CFAP61: variants seen among roughly 807,000 people sequenced by gnomAD.
CFAP61 encodes cilia- and flagella-associated protein 61.
CFAP61 carries 107 observed loss-of-function variants against 135.6 expected under a neutral mutation model. That is an observed-to-expected ratio of 0.79 (90% CI 0.67 to 0.93). CFAP61 has a LOEUF of 0.93. Ranked by LOEUF, CFAP61 falls within the 40% of genes least tolerant of loss-of-function variation. The pLI is 0.00. For synonymous variants in CFAP61, 575 were observed against 578.5 expected, an observed-to-expected ratio of 0.99 and a Z score of 0.09; for missense variants, 1,507 against 1,556.2, an observed-to-expected ratio of 0.97 and a Z score of 0.53.
At chr20:20,268,843 A>G (rs2053028102) in intron 21 of CFAP61, among the ~76,000 whole-genome samples, 1 of 152,152 alleles carries the variant, frequency 6.6e-6, no homozygotes. Context: ...AAGTAAAAAA[A>G]ATAAACTACC....
intron 7 of CFAP61, among the ~76,000 whole-genome samples, chr20:20,095,417 C>T (rs909894628): frequency 6.6e-6 from 1 of 152,250 alleles, no homozygotes; most frequent in African/African-American, 2.4e-5. Context: ...CATGGCAGTT[C>T]CAGGCCAGGC....
At chr20:20,226,695 A>G (rs1036651949) in intron 17 of CFAP61, among the ~76,000 whole-genome samples, 1 of 152,198 alleles carries the variant, frequency 6.6e-6, no homozygotes, top group African/African-American at 2.4e-5. Flanking sequence ...CGTGCCATCT[A>G]GAAAACAAGA....
intron 18 of CFAP61, among the ~76,000 whole-genome samples, chr20:20,233,719 T>C (rs1191736037): frequency 6.6e-6 from 1 of 152,206 alleles, no homozygotes; most frequent in African/African-American, 2.4e-5. Flanking sequence ...GACTCCAATA[T>C]TTAAATGTAA....
At position 20,056,633 on chromosome 20, in the gene CFAP61, CT is replaced by C; in HGVS notation, c.-17del. ...AGATTAATAGTGGACTTTTTTCTCT[CT>C]TTTGGGGACAGGATAAAAAATGTCA... On this transcript the variant is annotated 5_prime_UTR_variant, in exon 2 of 27. Coordinates refer to ENST00000245957, the MANE Select transcript of CFAP61 (RefSeq NM_015585.4). 2 of 1,611,692 alleles carry C rather than the reference CT, an allele frequency of 1.2e-6. No individual in the cohort carries two copies. Among genetic ancestry groups the C allele is most frequent in the African/African-American group, 2.7e-5 (2 of 74,782 alleles).
At chr20:20,082,242 G>A (rs1172535316) in intron 6 of CFAP61, among the ~76,000 whole-genome samples, 1 of 152,186 alleles carries the variant, frequency 6.6e-6, no homozygotes, top group Non-Finnish European at 1.5e-5. Context: ...AACACAATTC[G>A]TAAGACACTG....
At chr20:20,195,734 G>T (rs146516044) in intron 15 of CFAP61, among the ~76,000 whole-genome samples, 3,079 of 152,244 alleles carry the variant, frequency 0.02, 40 homozygotes, top group Middle Eastern at 0.044. Flanking sequence ...CAGGGATAAG[G>T]CCCAATTACG....
chr20:20,292,452 A>C (rs905005002), intron 24 of CFAP61, among the ~76,000 whole-genome samples: 1 of 152,222 alleles, frequency 6.6e-6, no homozygotes, highest in Non-Finnish European at 1.5e-5. Flanking sequence ...TGCTGTATAA[A>C]AAACACCTAG....
In CFAP61 at chr20:20,228,339, A is replaced by G. The variant is rs750040427; in HGVS notation, c.2023A>G (p.Ser675Gly). The change falls in exon 18 of 27, where the codon AGT becomes GGT. Residue 675 changes from serine (S) to glycine (G), a missense_variant. Coordinates refer to ENST00000245957, the MANE Select transcript of CFAP61 (RefSeq NM_015585.4). ...CAAGATCATTGTGGTTGGTGCATCCAGTGTTGGAATTTCCTTCCTAGAGAC... is the reference window on the plus strand; with the variant it reads ...CAAGATCATTGTGGTTGGTGCATCCGGTGTTGGAATTTCCTTCCTAGAGAC... ...NAKIIVVGAS[S>G]VGISFLETLV... 40 of 1,611,966 alleles carry G rather than the reference A, an allele frequency of 2.5e-5. No individual in the cohort carries two copies. Among genetic ancestry groups the G allele is most frequent in the Non-Finnish European group, 2.4e-5 (28 of 1,178,386 alleles).
intron 9 of CFAP61, among the ~76,000 whole-genome samples, chr20:20,155,531 C>T (rs6035566): frequency 0.9 from 137,267 of 152,216 alleles, 62,711 homozygotes; most frequent in Middle Eastern, 0.99. Context: ...TGACAAAGAA[C>T]TAGTATCCAG....
At chr20:20,168,542 A>T (rs1191432265) in intron 12 of CFAP61, among the ~76,000 whole-genome samples, 1 of 152,262 alleles carries the variant, frequency 6.6e-6, no homozygotes, top group East Asian at 1.9e-4. Context: ...TAAAATTTAC[A>T]GTTGGATACG....
intron 8 of CFAP61, among the ~76,000 whole-genome samples, chr20:20,099,581 G>C (rs572358618): frequency 1.3e-5 from 2 of 152,020 alleles, no homozygotes; most frequent in Non-Finnish European, 2.9e-5. Flanking sequence ...TCCCACACGG[G>C]GGGGGGGTTG....
At chr20:20,160,876 A>G (rs6046674) in intron 10 of CFAP61, among the ~76,000 whole-genome samples, 2,257 of 152,236 alleles carry the variant, frequency 0.015, 35 homozygotes, top group Middle Eastern at 0.058. Flanking sequence ...TGGAGAATCA[A>G]TTTGCCAGCT....
In CFAP61 at chr20:20,354,173, A is replaced by C. The variant is rs972618707; in HGVS notation, c.3514-6037A>C. 9.2e-5 allele frequency among the ~76,000 whole-genome samples: 14 copies of C among 152,216 alleles called. 1 individual carries two copies. Among genetic ancestry groups the C allele is most frequent in the Non-Finnish European group, 1.5e-4 (10 of 68,034 alleles). On this transcript the variant is annotated intron_variant, in intron 26 of 26. Transcript: ENST00000245957. ...AAGGAAGTTCTGTTCTGTCATTTTC[A>C]ACAACATGAATGAACCTGGAGGACT...
In CFAP61 at chr20:20,325,135, AC is replaced by A. The variant is rs1245588638; in HGVS notation, c.3423-16693del. On this transcript the variant is annotated intron_variant, in intron 25 of 26. Transcript: ENST00000245957. ...AGAAGAAAGTACAGAGCTCCCACAT[AC>A]CCTCCTCCACCCCCAGCCACTTACA... Among the ~76,000 whole-genome samples, 73 of 151,814 alleles carry A rather than the reference AC, an allele frequency of 4.8e-4. 2 individuals carry two copies. Among genetic ancestry groups the A allele is most frequent in the Non-Finnish European group, 1.3e-4 (9 of 67,952 alleles).
intron 20 of CFAP61, among the ~76,000 whole-genome samples, chr20:20,254,225 A>G (rs563295831): frequency 7.3e-6 from 1 of 137,864 alleles, no homozygotes; most frequent in East Asian, 2.2e-4. Context: ...CAAAGGGTAT[A>G]AAAGGATATT....
intron 8 of CFAP61, among the ~76,000 whole-genome samples, chr20:20,104,979 C>G (rs1305229158): frequency 6.6e-6 from 1 of 152,174 alleles, no homozygotes; most frequent in Non-Finnish European, 1.5e-5. Flanking sequence ...CAGTCCCATT[C>G]TGAGGTACTA....
At chr20:20,108,726 C>A (rs1309067088) in intron 8 of CFAP61, among the ~76,000 whole-genome samples, 2 of 151,704 alleles carry the variant, frequency 1.3e-5, no homozygotes, top group African/African-American at 2.4e-5. Flanking sequence ...GTTGCAGATA[C>A]GTTTTTTTCT....
chr20:20,109,425 G>A (rs2048640444), intron 8 of CFAP61, among the ~76,000 whole-genome samples: 5 of 152,164 alleles, frequency 3.3e-5, no homozygotes, highest in Admixed American at 3.3e-4. Context: ...AGGCTGTTGA[G>A]CTCTCCTTGG....
chr20:20,098,856 A>G (rs1883797), intron 8 of CFAP61, 42 bp downstream of exon 8: 289,252 of 1,563,792 alleles, frequency 0.18, 27,432 homozygotes, highest in East Asian at 0.22. Flanking sequence ...AATTAAATCT[A>G]TGCTTTATAC....
Sources: allele counts gnomAD v4.1 joint callset (sites outside exome capture counted in the v4.1 genomes callset), GRCh38; gene constraint gnomAD v4.1.1; transcripts MANE v1.5; gene names NCBI Gene and HGNC (gene_info 2026-07-23, HGNC 2026-07-21).